The following NBAS variants were observed in gnomAD, a reference collection of about 807,000 sequenced individuals.
NBAS encodes the protein NBAS subunit of NRZ tethering complex.
In NBAS, 219 loss-of-function variants were observed where a neutral mutation model predicts 302.5. The observed-to-expected ratio is 0.72, with a 90% CI of 0.65 to 0.81. The LOEUF (loss-of-function observed/expected upper bound fraction) is 0.81, where lower values mean the gene tolerates loss of function less well. Ranked by LOEUF, NBAS falls within the 30% of genes least tolerant of loss-of-function variation. The pLI is 0.00. For synonymous variants in NBAS, 1,118 were observed against 1,021.6 expected (o/e 1.09, Z -1.80); for missense variants, 2,932 against 2,841.6 (o/e 1.03, Z -0.72).
intron 48 of NBAS, among the ~76,000 whole-genome samples, chr2:15,217,772 T>G (rs1666720278): frequency 6.6e-6 from 1 of 152,244 alleles, no homozygotes; most frequent in South Asian, 2.1e-4. Context: ...ATTCAATCAA[T>G]AAGGATTTAA....
the NBAS span, among the ~76,000 whole-genome samples, chr2:15,130,390 T>C: frequency 2.0e-5 from 3 of 152,366 alleles, no homozygotes; most frequent in East Asian, 5.8e-4. Context: ...ACATTTACCC[T>C]CTACACAGCA....
chr2:15,336,916 T>C (rs115958382), intron 35 of NBAS, among the ~76,000 whole-genome samples: 1 of 152,160 alleles, frequency 6.6e-6, no homozygotes, highest in Non-Finnish European at 1.5e-5. Flanking sequence ...GTAAGAATTA[T>C]GGCACTTAAG....
chr2:15,012,610 A>T, the NBAS span, among the ~76,000 whole-genome samples: 12 of 152,212 alleles, frequency 7.9e-5, no homozygotes, highest in African/African-American at 2.2e-4. Context: ...ATGATAGTCA[A>T]ATTGTCAAAA....
the NBAS span, among the ~76,000 whole-genome samples, chr2:15,002,210 T>G: frequency 6.8e-3 from 1,042 of 152,176 alleles, 13 homozygotes; most frequent in South Asian, 0.02. Flanking sequence ...CTGATTGGTG[T>G]GTTTACAAAC....
At chr2:15,400,875 T>C (rs1676117687) in intron 26 of NBAS, among the ~76,000 whole-genome samples, 1 of 152,222 alleles carries the variant, frequency 6.6e-6, no homozygotes, top group Admixed American at 6.5e-5. Flanking sequence ...ATTCAGTAGT[T>C]GTCTTACTGC....
downstream of NBAS, among the ~76,000 whole-genome samples, chr2:15,162,055 TAAC>T (rs542492599): frequency 4.7e-4 from 72 of 152,256 alleles, no homozygotes; most frequent in South Asian, 0.015. Flanking sequence ...TGTTTGAGCC[TAAC>T]AACAGCAGAG....
the NBAS span, among the ~76,000 whole-genome samples, chr2:14,876,978 G>A: frequency 1.3e-5 from 2 of 152,164 alleles, no homozygotes; most frequent in Admixed American, 6.6e-5. Context: ...CCAGGCCTAC[G>A]AAAAGCAACT....
intron 48 of NBAS, among the ~76,000 whole-genome samples, chr2:15,205,969 G>A (rs1375189078): frequency 6.6e-6 from 1 of 152,106 alleles, no homozygotes; most frequent in Non-Finnish European, 1.5e-5. Context: ...CGAGATAGTG[G>A]GGCACTGATA....
chr2:15,059,947 TAAAAAAAAAAAAAAAACA>T, the NBAS span, among the ~76,000 whole-genome samples: 1 of 50,078 alleles, frequency 2.0e-5, no homozygotes, highest in South Asian at 7.6e-4. Context: ...GCAGTGCTGC[TAAAAAAAAAAAAAAAACA>T]AAAAAAAAAA....
At chr2:15,317,764 A>G (rs765654242) in intron 38 of NBAS, among the ~76,000 whole-genome samples, 37 of 152,234 alleles carry the variant, frequency 2.4e-4, no homozygotes, top group Non-Finnish European at 4.3e-4. Context: ...GACCAAATCT[A>G]CGTTTGATTG....
the NBAS span, among the ~76,000 whole-genome samples, chr2:14,789,142 C>T: frequency 4.6e-5 from 7 of 152,152 alleles, no homozygotes; most frequent in East Asian, 1.9e-4. Flanking sequence ...GAGCCATGTG[C>T]GGGATATAAT....
At chr2:15,516,742 A>G (rs1662409614) in intron 9 of NBAS, among the ~76,000 whole-genome samples, 1 of 140,266 alleles carries the variant, frequency 7.1e-6, no homozygotes, top group Non-Finnish European at 1.6e-5. Context: ...AAAAAAAAAA[A>G]AGACTGGGAG....
At chr2:15,332,706 A>C (rs920688189) in intron 35 of NBAS, among the ~76,000 whole-genome samples, 3 of 152,224 alleles carry the variant, frequency 2.0e-5, no homozygotes, top group South Asian at 4.1e-4. Context: ...CCTGTATACT[A>C]TCAGGGCAAC....
intron 44 of NBAS, among the ~76,000 whole-genome samples, chr2:15,245,157 A>C (rs1158816174): frequency 2.6e-5 from 4 of 152,154 alleles, no homozygotes; most frequent in Non-Finnish European, 5.9e-5. Flanking sequence ...AAATCCGTGT[A>C]ATGGCTTCCC....
chr2:15,096,742 T>G, the NBAS span, among the ~76,000 whole-genome samples: 6 of 152,164 alleles, frequency 3.9e-5, no homozygotes, highest in African/African-American at 1.4e-4. Context: ...GTTTGTGGCT[T>G]ACGCTGAGGG....
the NBAS span, among the ~76,000 whole-genome samples, chr2:14,927,428 G>T: frequency 6.6e-6 from 1 of 152,116 alleles, no homozygotes; most frequent in Non-Finnish European, 1.5e-5. Flanking sequence ...ACGTTTCATG[G>T]TATGTATATA....
At chr2:15,323,791 C>T (rs548670675) in intron 38 of NBAS, among the ~76,000 whole-genome samples, 3 of 151,672 alleles carry the variant, frequency 2.0e-5, no homozygotes, top group South Asian at 2.1e-4. Flanking sequence ...GCCACAATCA[C>T]GCCACTGCAC....
At chr2:15,347,153 T>A (rs1014117748) in intron 35 of NBAS, among the ~76,000 whole-genome samples, 6 of 152,126 alleles carry the variant, frequency 3.9e-5, no homozygotes, top group African/African-American at 1.4e-4. Flanking sequence ...AGTCAGTTAA[T>A]AACACACATT....
chr2:15,076,610 G>A, the NBAS span, among the ~76,000 whole-genome samples: 2 of 152,154 alleles, frequency 1.3e-5, no homozygotes, highest in African/African-American at 2.4e-5. Context: ...CCATGTCACT[G>A]CGGCATTGAG....
Sources: allele counts gnomAD v4.1 joint callset (sites outside exome capture counted in the v4.1 genomes callset), GRCh38; gene constraint gnomAD v4.1.1; transcripts MANE v1.5; gene names NCBI Gene and HGNC (gene_info 2026-07-23, HGNC 2026-07-21).